Variants in ENTREP2 observed in about 807,000 individuals in gnomAD.
ENTREP2 encodes the protein endosomal transmembrane epsin interactor 2.
chr15:29,348,027 C>A, the ENTREP2 span, among the ~76,000 whole-genome samples: 1 of 152,102 alleles, frequency 6.6e-6, no homozygotes, highest in Non-Finnish European at 1.5e-5. Flanking sequence ...TTGTCAGATT[C>A]TGCGTCAGGG....
the ENTREP2 span, among the ~76,000 whole-genome samples, chr15:29,506,968 G>T: frequency 6.6e-6 from 1 of 152,066 alleles, no homozygotes. Flanking sequence ...TGGCAAACTG[G>T]ATAAAGAGTC....
chr15:29,235,153 A>G, the ENTREP2 span: 2,571 of 832,952 alleles, frequency 3.1e-3, 8 homozygotes, highest in Non-Finnish European at 4.3e-3. Context: ...TGCCTGAGCG[A>G]GGTGGGAGGG....
At chr15:29,128,726 GA>G in the ENTREP2 span, 5,975 of 1,238,446 alleles carry the variant, frequency 4.8e-3, 186 homozygotes, top group African/African-American at 0.074. Flanking sequence ...GGACGAGGAC[GA>G]AAAAGAGACA....
At chr15:29,545,872 T>C in the ENTREP2 span, among the ~76,000 whole-genome samples, 1 of 152,194 alleles carries the variant, frequency 6.6e-6, no homozygotes, top group African/African-American at 2.4e-5. Context: ...CTAAGCAATG[T>C]TTAATGTTTA....
chr15:29,139,848 G>T, the ENTREP2 span, among the ~76,000 whole-genome samples: 1 of 152,172 alleles, frequency 6.6e-6, no homozygotes, highest in Non-Finnish European at 1.5e-5. Context: ...CACCATCAGT[G>T]TGTGTTTAAT....
At chr15:29,636,981 TTAAC>T in the ENTREP2 span, among the ~76,000 whole-genome samples, 1 of 151,450 alleles carries the variant, frequency 6.6e-6, no homozygotes, top group Non-Finnish European at 1.5e-5. Flanking sequence ...CAGATAAAGC[TTAAC>T]ATAAACATGG....
the ENTREP2 span, among the ~76,000 whole-genome samples, chr15:29,223,385 A>G: frequency 6.6e-6 from 1 of 151,996 alleles, no homozygotes; most frequent in Admixed American, 6.6e-5. Context: ...CCTCTCTGCA[A>G]AGAAAGGTGC....
chr15:29,587,691 G>A, the ENTREP2 span, among the ~76,000 whole-genome samples: 1 of 151,992 alleles, frequency 6.6e-6, no homozygotes, highest in Non-Finnish European at 1.5e-5. Flanking sequence ...AGACAGTCTC[G>A]CTCTGTCACC....
At chr15:29,266,121 A>C in the ENTREP2 span, 1 of 152,242 alleles carries the variant, frequency 6.6e-6, no homozygotes, top group African/African-American at 2.4e-5. Flanking sequence ...ATGTCTTACA[A>C]ATCAATAGAA....
At chr15:29,295,576 A>C in the ENTREP2 span, among the ~76,000 whole-genome samples, 1 of 152,262 alleles carries the variant, frequency 6.6e-6, no homozygotes, top group Non-Finnish European at 1.5e-5. Context: ...TACAGTTTAT[A>C]AATTAAGCAA....
chr15:29,465,126 C>A, the ENTREP2 span, among the ~76,000 whole-genome samples: 1 of 151,864 alleles, frequency 6.6e-6, no homozygotes, highest in Non-Finnish European at 1.5e-5. Context: ...CAATGTCTGC[C>A]CCCGATATAA....
At chr15:29,304,942 C>T in the ENTREP2 span, among the ~76,000 whole-genome samples, 56 of 152,150 alleles carry the variant, frequency 3.7e-4, no homozygotes, top group African/African-American at 1.3e-3. Context: ...CTGCTGTCAC[C>T]ATCCTATTTA....
chr15:29,550,442 C>G, the ENTREP2 span, among the ~76,000 whole-genome samples: 1 of 152,192 alleles, frequency 6.6e-6, no homozygotes, highest in Non-Finnish European at 1.5e-5. Context: ...AATAATTTAA[C>G]TCACTTAGGA....
the ENTREP2 span, among the ~76,000 whole-genome samples, chr15:29,179,753 T>G: frequency 9.9e-5 from 15 of 151,932 alleles, no homozygotes; most frequent in East Asian, 2.9e-3. Flanking sequence ...GCTAATTTTT[T>G]TTTTTGTATT....
the ENTREP2 span, among the ~76,000 whole-genome samples, chr15:29,202,211 G>A: frequency 1.3e-5 from 2 of 152,024 alleles, no homozygotes; most frequent in Non-Finnish European, 2.9e-5. Context: ...CAAAGTATCA[G>A]CTCCTTTTTC....
chr15:29,600,333 T>A, the ENTREP2 span, among the ~76,000 whole-genome samples: 6 of 152,172 alleles, frequency 3.9e-5, no homozygotes, highest in African/African-American at 1.2e-4. Context: ...CTGCTCAATA[T>A]TATATGGGCT....
At chr15:29,627,512 C>T in the ENTREP2 span, among the ~76,000 whole-genome samples, 1 of 149,502 alleles carries the variant, frequency 6.7e-6, no homozygotes, top group African/African-American at 2.5e-5. Context: ...CACTGCACTC[C>T]AGCCTGGTGA....
At chr15:29,564,434 T>C in the ENTREP2 span, among the ~76,000 whole-genome samples, 1 of 152,238 alleles carries the variant, frequency 6.6e-6, no homozygotes, top group Non-Finnish European at 1.5e-5. Flanking sequence ...ATCTGTCTTC[T>C]GCTTAACTTG....
At chr15:29,473,869 A>G in the ENTREP2 span, among the ~76,000 whole-genome samples, 4 of 152,168 alleles carry the variant, frequency 2.6e-5, no homozygotes, top group African/African-American at 9.7e-5. Flanking sequence ...CAACGAGGAC[A>G]TCTCAAAGCT....
Sources: gnomAD v4.1 joint callset for allele counts (sites outside exome capture counted in the v4.1 genomes callset) on GRCh38, gnomAD v4.1.1 for gene constraint, MANE v1.5 for transcripts, NCBI Gene and HGNC (gene_info 2026-07-23, HGNC 2026-07-21) for gene names.